DENND2B: variants seen among roughly 807,000 people sequenced by gnomAD.
DENND2B encodes the protein DENN domain containing 2B.
DENND2B carries 32 observed loss-of-function variants against 116.0 expected under a neutral mutation model. That is an observed-to-expected ratio of 0.28 (90% CI 0.21 to 0.37). The LOEUF (loss-of-function observed/expected upper bound fraction) is 0.37, where lower values mean the gene tolerates loss of function less well. Among genes scored for constraint, DENND2B ranks in the 10% least tolerant of loss-of-function variants. DENND2B has a pLI of 1.00. For missense variants in DENND2B, 1,276 were observed against 1,477.7 expected (o/e 0.86, Z 2.24); for synonymous variants, 588 against 583.9 (o/e 1.01, Z -0.10).
intron 3 of DENND2B, 59 bp downstream of exon 3, chr11:8,729,891 G>T (rs2047800248): frequency 1.3e-6 from 2 of 1,582,690 alleles, no homozygotes; most frequent in Non-Finnish European, 1.7e-6. Flanking sequence ...TGTTTGCACT[G>T]TCCATTTAAA....
At chr11:8,776,340 C>A in intron 1 of DENND2B, 2 of 421,102 alleles carry the variant, frequency 4.7e-6, no homozygotes, top group Non-Finnish European at 9.5e-6. Context: ...AGGCCCAGGC[C>A]AAGGTCCCCT....
At chr11:8,860,390 T>C (rs904404925) in intron 2 of DENND2B, among the ~76,000 whole-genome samples, 2 of 152,196 alleles carry the variant, frequency 1.3e-5, no homozygotes, top group African/African-American at 4.8e-5. Context: ...AGCACTGCTA[T>C]ATACCAACAA....
chr11:8,713,322 C>T (rs934029524), intron 8 of DENND2B, among the ~76,000 whole-genome samples: 1 of 152,132 alleles, frequency 6.6e-6, no homozygotes, highest in African/African-American at 2.4e-5. Flanking sequence ...CAGTCTACGG[C>T]ACATTTCTTG....
chr11:8,811,487 C>T (rs2134505898), upstream of DENND2B: 1 of 393,174 alleles, frequency 2.5e-6, no homozygotes, highest in Non-Finnish European at 4.5e-6. Flanking sequence ...TTAGTGGGAG[C>T]TGCTGTCACA....
At chr11:8,741,950 G>A (rs1448940465) in intron 2 of DENND2B, among the ~76,000 whole-genome samples, 1 of 152,186 alleles carries the variant, frequency 6.6e-6, no homozygotes, top group East Asian at 1.9e-4. Flanking sequence ...CAGTGCAGTG[G>A]CAAGATCTCA....
At chr11:8,892,460 T>C (rs1010067310) in intron 1 of DENND2B, among the ~76,000 whole-genome samples, 1 of 151,958 alleles carries the variant, frequency 6.6e-6, no homozygotes, top group African/African-American at 2.4e-5. Context: ...ATCCAGGAGC[T>C]GGTTTTTTGA....
Position 8,694,141 on chromosome 11 carries a change from GA to G in DENND2B, c.3380-12del, listed in dbSNP as rs751012526. 3 of 1,614,152 alleles carry G rather than the reference GA, an allele frequency of 1.9e-6. No individual in the cohort carries two copies. In the Admixed American group the frequency reaches 5.0e-5, roughly 27 times the overall value. On this transcript the variant is annotated splice_polypyrimidine_tract_variant and intron_variant, in intron 19 of 19. Coordinates refer to ENST00000313726, the MANE Select transcript of DENND2B (RefSeq NM_213618.2). ...ACTTCATTTTGTTGCCTGTGGGCCA[GA>G]GAGGACAAGAGAGAATGTTCAGTGT...
chr11:8,803,923 G>A (rs1460079054), intron 1 of DENND2B, among the ~76,000 whole-genome samples: 1 of 152,170 alleles, frequency 6.6e-6, no homozygotes, highest in Non-Finnish European at 1.5e-5. Context: ...CCGGGGTCTG[G>A]AGCACTGAGA....
At chr11:8,745,569 G>T (rs151156384) in intron 2 of DENND2B, among the ~76,000 whole-genome samples, 2,978 of 152,306 alleles carry the variant, frequency 0.02, 38 homozygotes, top group Non-Finnish European at 0.03. Context: ...AAGAGATGTT[G>T]AGATTCCTCT....
In DENND2B at chr11:8,712,798, CT is replaced by C. The variant is rs980475706; in HGVS notation, c.1988-64del. ...AGGCCTCATGTTAACTCCTCTACCC[CT>C]GGCTCAGGGCTCCATTGCTGTGGAG... On this transcript the variant is annotated intron_variant, in intron 8 of 19. Transcript: ENST00000313726. This position sits in a 1 kb window ranked among gnomAD's most constrained non-coding sequence, Gnocchi z 4.4. 6 of 1,514,698 alleles carry C rather than the reference CT, an allele frequency of 4.0e-6. No individual in the cohort carries two copies. In the African/African-American group the frequency reaches 6.9e-5, roughly 17 times the overall value. The allele number at this position is 1,514,698 out of a possible 1,614,324, so 93.8% of individuals were successfully genotyped here. A position where few individuals can be genotyped will look rare whatever the true frequency, so the allele number is the denominator to read the frequency against.
At chr11:8,844,671 T>C (rs2062749385) in intron 3 of DENND2B, among the ~76,000 whole-genome samples, 3 of 152,120 alleles carry the variant, frequency 2.0e-5, no homozygotes, top group Admixed American at 2.0e-4. Context: ...ATTATACATA[T>C]ATACATATAA....
At chr11:8,814,576 C>T (rs2061505794), upstream of DENND2B, among the ~76,000 whole-genome samples, 1 of 152,222 alleles carries the variant, frequency 6.6e-6, no homozygotes, top group African/African-American at 2.4e-5. Context: ...CTTGACTCTC[C>T]TGTCTCTTGA....
At position 8,712,678 on chromosome 11, in the gene DENND2B, C is replaced by T. The variant is rs779020998; in HGVS notation, c.2045G>A (p.Arg682His). Residue 682 changes from arginine to histidine, a missense_variant, in exon 9 of 20, where the codon CGC becomes CAC. By Grantham distance (29) the Arg-to-His change is conservative (BLOSUM62 0). This residue lies in a region of DENND2B where 420 missense variants were observed against 631.1 expected (regional missense o/e 0.67). Transcript: ENST00000313726. The surrounding 1 kb of genome is among the most constrained non-coding windows in gnomAD (Gnocchi z 4.4). The stretch of plus-strand genomic sequence containing the variant: ...CTCCAGCAGCTCCAGCTCCAGCGTG[C>T]GATAGCTGGGGGCGCGCTTCAGCAT... Reference protein sequence around the residue: ...QSMLKRAPSYRTLELELLEWQ... With the variant: ...QSMLKRAPSYHTLELELLEWQ... 3 of 1,610,168 alleles carry T rather than the reference C, an allele frequency of 1.9e-6. No homozygotes were observed. The highest frequency in any genetic ancestry group is 2.2e-5 in the East Asian group (1 of 44,768).
intron 1 of DENND2B, among the ~76,000 whole-genome samples, chr11:8,770,959 G>A (rs1172264719): frequency 6.6e-6 from 1 of 152,168 alleles, no homozygotes; most frequent in Non-Finnish European, 1.5e-5. Flanking sequence ...CTCTCTGATA[G>A]CACTTATGCC....
At chr11:8,732,484 A>G (rs7952335) in intron 2 of DENND2B, among the ~76,000 whole-genome samples, 95,550 of 152,018 alleles carry the variant, frequency 0.63, 30,222 homozygotes, top group East Asian at 0.67. Context: ...CCCTGAGGCA[A>G]CTCAAGAGAA....
Position 8,714,065 on chromosome 11 carries a change from C to T in DENND2B, c.1943-23G>A, listed in dbSNP as rs763331609. 2.5e-6 allele frequency: 4 copies of T among 1,610,696 alleles called. No homozygotes were observed. The South Asian group carries it at 4.4e-5, about 18-fold the overall frequency. On this transcript the variant is annotated intron_variant, in intron 7 of 19. Transcript: ENST00000313726. ...CATCTGGAAAAGGAACAGCAGAGTACATACTTGCTGGACCTCACAGCCAAT... is the reference window on the plus strand; with the variant it reads ...CATCTGGAAAAGGAACAGCAGAGTATATACTTGCTGGACCTCACAGCCAAT...
chr11:8,710,878 G>A lies in DENND2B; in HGVS notation c.2319C>T (p.Gly773=). ...TFSFMLTGED[G]SRRFGYCRRL... is the part of the protein sequence containing the mutation. The stretch of plus-strand genomic sequence containing the variant: ...GCCTGCAGTAGCCAAAGCGTCTGCT[G>A]CCATCTTCCCCAGTCAGCATGAAAG... The change falls in exon 11 of 20, where the codon GGC becomes GGT. Residue 773 remains glycine (G), a synonymous_variant. Coordinates refer to ENST00000313726, the MANE Select transcript of DENND2B (RefSeq NM_213618.2). 6.2e-7 allele frequency: 1 copy of A among 1,613,978 alleles called. No homozygotes were observed. Among genetic ancestry groups the A allele is most frequent in the Non-Finnish European group, 8.5e-7 (1 of 1,180,000 alleles).
At chr11:8,801,569 C>T (rs370388257) in intron 1 of DENND2B, among the ~76,000 whole-genome samples, 12 of 151,402 alleles carry the variant, frequency 7.9e-5, no homozygotes, top group African/African-American at 2.4e-4. Flanking sequence ...CTCAGCTACT[C>T]GGTAGGCTGA....
chr11:8,864,469 T>C (rs2063511008), intron 2 of DENND2B, among the ~76,000 whole-genome samples: 1 of 152,122 alleles, frequency 6.6e-6, no homozygotes, highest in Non-Finnish European at 1.5e-5. Context: ...AGAGTCTCAC[T>C]GTGTTGCCCA....
Sources: allele counts gnomAD v4.1 joint callset (sites outside exome capture counted in the v4.1 genomes callset), GRCh38; gene constraint gnomAD v4.1.1; regional missense constraint gnomAD v4.1.1; non-coding constraint Gnocchi (gnomAD v3.1); transcripts MANE v1.5; gene names NCBI Gene and HGNC (gene_info 2026-07-23, HGNC 2026-07-21).